Variants in SHC3 observed in about 807,000 individuals in gnomAD.
SHC3 encodes the protein SHC-transforming protein 3.
In SHC3, 15 loss-of-function variants were observed where a neutral mutation model predicts 60.4. That is an observed-to-expected ratio of 0.25 (90% CI 0.17 to 0.38). The LOEUF (loss-of-function observed/expected upper bound fraction) is 0.38, where lower values mean the gene tolerates loss of function less well. Among genes scored for constraint, SHC3 ranks in the 10% least tolerant of loss-of-function variants. The probability of loss-of-function intolerance (pLI) is 1.00; values close to 1 mark genes in which losing one functional copy is unlikely to be tolerated. For synonymous variants in SHC3, 294 were observed against 325.9 expected, an observed-to-expected ratio of 0.90 and a Z score of 1.05; for missense variants, 677 against 786.1, an observed-to-expected ratio of 0.86 and a Z score of 1.66.
In SHC3 at chr9:89,150,513, C is replaced by T. The variant is rs536247236; in HGVS notation, c.474+27474G>A. ...TGCTTAGCATAATGTTTTCAAGATT[C>T]ACCATGTTGTAGCATGGTCAGTACT... On this transcript the variant is annotated intron_variant, in intron 1 of 11. Transcript: ENST00000375835. 2.0e-5 allele frequency among the ~76,000 whole-genome samples: 3 copies of T among 152,296 alleles called. No homozygotes were observed. The South Asian group carries it at 6.2e-4, about 32-fold the overall frequency.
chr9:89,051,249 T>A (rs937382065), intron 7 of SHC3, among the ~76,000 whole-genome samples: 1 of 152,170 alleles, frequency 6.6e-6, no homozygotes, highest in Non-Finnish European at 1.5e-5. Flanking sequence ...ATCACAACAT[T>A]AGAATAGATT....
intron 1 of SHC3, among the ~76,000 whole-genome samples, chr9:89,150,881 AT>A (rs1000249957): frequency 3.9e-5 from 6 of 151,940 alleles, no homozygotes; most frequent in East Asian, 1.9e-4. Flanking sequence ...GTTATTGTCC[AT>A]TTTTTTAATT....
At chr9:89,166,251 C>T (rs1295664458) in intron 1 of SHC3, among the ~76,000 whole-genome samples, 1 of 152,188 alleles carries the variant, frequency 6.6e-6, no homozygotes, top group Non-Finnish European at 1.5e-5. Context: ...AGTGCAGCCC[C>T]TGGTATTTTC....
chr9:89,065,934 C>A (rs995661519), intron 5 of SHC3, among the ~76,000 whole-genome samples: 2 of 152,188 alleles, frequency 1.3e-5, no homozygotes, highest in Admixed American at 6.5e-5. Context: ...CATGTTGGAT[C>A]GCCTGAGAAG....
At chr9:89,069,010 T>C (rs377379604) in intron 5 of SHC3, among the ~76,000 whole-genome samples, 13 of 152,154 alleles carry the variant, frequency 8.5e-5, no homozygotes, top group African/African-American at 3.1e-4. Flanking sequence ...AGACAGCATC[T>C]GAAGAAATGC....
At chr9:89,067,050 G>A (rs1010650065) in intron 5 of SHC3, among the ~76,000 whole-genome samples, 2 of 152,208 alleles carry the variant, frequency 1.3e-5, no homozygotes, top group African/African-American at 4.8e-5. Flanking sequence ...GCGTGGCTCA[G>A]CTAAGCTGTT....
intron 1 of SHC3, among the ~76,000 whole-genome samples, chr9:89,168,455 ACT>A (rs1564194815): frequency 6.6e-6 from 1 of 151,882 alleles, no homozygotes; most frequent in Admixed American, 6.6e-5. Flanking sequence ...CAAGAGCAAA[ACT>A]CTGTCTCAAA....
At chr9:89,098,485 T>A (rs1056497116) in intron 2 of SHC3, among the ~76,000 whole-genome samples, 2 of 152,214 alleles carry the variant, frequency 1.3e-5, no homozygotes, top group African/African-American at 4.8e-5. Flanking sequence ...TGAAGAGGTA[T>A]GATGTTTCCA....
intron 6 of SHC3, among the ~76,000 whole-genome samples, chr9:89,061,553 C>T (rs1825090271): frequency 6.6e-6 from 1 of 152,216 alleles, no homozygotes; most frequent in African/African-American, 2.4e-5. Context: ...GTCTTAGGAG[C>T]CGCTGTTCAG....
intron 1 of SHC3, among the ~76,000 whole-genome samples, chr9:89,170,274 C>T (rs1419555150): frequency 6.6e-6 from 1 of 152,240 alleles, no homozygotes; most frequent in Non-Finnish European, 1.5e-5. Flanking sequence ...TGAAGCATAG[C>T]TCATGCAGTC....
intron 6 of SHC3, among the ~76,000 whole-genome samples, chr9:89,062,068 A>T (rs1825099275): frequency 6.6e-6 from 1 of 152,226 alleles, no homozygotes; most frequent in East Asian, 1.9e-4. Context: ...AAAGTATACG[A>T]ATTACATGCC....
rs2118615197 is a variant in SHC3 at position 89,006,165 on chromosome 9, C to T, written c.*7282G>A. ...CTTCCCCTCCTGGGTCACAGGATGA[C>T]ACCTGGGGATGCGATGCCGTGCCTG... On this transcript the variant is annotated 3_prime_UTR_variant, in exon 12 of 12. Transcript: ENST00000375835. 1 of 152,334 alleles carries T rather than the reference C, an allele frequency of 6.6e-6. No individual in the cohort carries two copies. The highest frequency in any genetic ancestry group is 1.5e-5 in the Non-Finnish European group (1 of 68,034). The allele number at this position is 152,334 out of a possible 1,614,324, so 9.4% of individuals were successfully genotyped here.
At chr9:89,122,438 G>A (rs759071135) in intron 1 of SHC3, among the ~76,000 whole-genome samples, 7 of 152,216 alleles carry the variant, frequency 4.6e-5, no homozygotes, top group Non-Finnish European at 1.0e-4. Context: ...TCTACCAAAT[G>A]CATTGGGCTG....
At chr9:89,061,091 A>T (rs190074834) in intron 6 of SHC3, among the ~76,000 whole-genome samples, 27 of 152,320 alleles carry the variant, frequency 1.8e-4, no homozygotes, top group Admixed American at 1.8e-3. Context: ...TACGTAAAGC[A>T]CAGAGCCTGG....
chr9:89,036,377 G>T (rs114014029), intron 11 of SHC3, among the ~76,000 whole-genome samples: 2,777 of 152,306 alleles, frequency 0.018, 82 homozygotes, highest in African/African-American at 0.063. Context: ...TCAAGGAAGA[G>T]CAAGGATGTT....
intron 2 of SHC3, among the ~76,000 whole-genome samples, chr9:89,100,108 C>T (rs1825761369): frequency 6.6e-6 from 1 of 152,124 alleles, no homozygotes; most frequent in Admixed American, 6.5e-5. Flanking sequence ...TAAGGAAAAG[C>T]CAAACTCAGA....
At chr9:89,124,688 G>C (rs767269680) in intron 1 of SHC3, among the ~76,000 whole-genome samples, 98 of 152,024 alleles carry the variant, frequency 6.4e-4, no homozygotes, top group Admixed American at 4.6e-4. Flanking sequence ...GGCCTGTCAG[G>C]GGGTGAGGGG....
chr9:89,082,357 CCA>C (rs1825458393), intron 2 of SHC3, among the ~76,000 whole-genome samples: 1 of 152,152 alleles, frequency 6.6e-6, no homozygotes, highest in Non-Finnish European at 1.5e-5. Flanking sequence ...GCTGACTGGG[CCA>C]CATAGGTACC....
chr9:89,006,073 T>A lies in SHC3; in HGVS notation c.*7374A>T, dbSNP rs1825934715. ...AATGCGCACACCACTGTTCTGATAA[T>A]AAAGGCACATTTTCCAATAACCAAT... On this transcript the variant is annotated 3_prime_UTR_variant, in exon 12 of 12. Transcript: ENST00000375835. 6.6e-6 allele frequency: 1 copy of A among 152,230 alleles called. No homozygotes were observed. Among genetic ancestry groups the A allele is most frequent in the Non-Finnish European group, 1.5e-5 (1 of 68,038 alleles). The allele number at this position is 152,230 out of a possible 1,614,324, so 9.4% of individuals were successfully genotyped here.
Sources: gnomAD v4.1 joint callset for allele counts (sites outside exome capture counted in the v4.1 genomes callset) on GRCh38, gnomAD v4.1.1 for gene constraint, MANE v1.5 for transcripts, NCBI Gene and HGNC (gene_info 2026-07-23, HGNC 2026-07-21) for gene names.